The following PPP1R1C variants were observed in gnomAD, a reference collection of about 807,000 sequenced individuals.
PPP1R1C encodes protein phosphatase 1 regulatory inhibitor subunit 1C, also known as protein phosphatase 1 regulatory subunit 1C.
PPP1R1C carries 15 observed loss-of-function variants against 17.4 expected under a neutral mutation model. The observed-to-expected ratio is 0.86, with a 90% confidence interval of 0.58 to 1.33. The LOEUF is 1.33. Among genes scored for constraint, PPP1R1C ranks in the 40% most tolerant of loss-of-function variants. PPP1R1C has a pLI of 0.00. For synonymous variants in PPP1R1C, 35 were observed against 43.1 expected (o/e 0.81, Z 0.73); for missense variants, 143 against 130.0 (o/e 1.10, Z -0.48).
intron 4 of PPP1R1C, among the ~76,000 whole-genome samples, chr2:182,081,134 C>T (rs553525749): frequency 1.3e-5 from 2 of 152,248 alleles, no homozygotes; most frequent in Non-Finnish European, 2.9e-5. Context: ...GGTTTGTGCT[C>T]AGTGTGTGCA....
chr2:182,104,351 A>G (rs1170965423), intron 4 of PPP1R1C, among the ~76,000 whole-genome samples: 1 of 152,212 alleles, frequency 6.6e-6, no homozygotes, highest in Non-Finnish European at 1.5e-5. Flanking sequence ...AGGTTGAGGT[A>G]TACTCCTTTT....
At chr2:181,959,821 A>T in intron 1 of PPP1R1C, among the ~76,000 whole-genome samples, 1 of 152,182 alleles carries the variant, frequency 6.6e-6, no homozygotes, top group East Asian at 1.9e-4. Flanking sequence ...GTCACTATAC[A>T]TCATTTTACT....
intron 4 of PPP1R1C, among the ~76,000 whole-genome samples, chr2:182,086,544 A>G (rs1489581845): frequency 6.6e-6 from 1 of 152,198 alleles, no homozygotes; most frequent in Non-Finnish European, 1.5e-5. Flanking sequence ...AGGAAATTGC[A>G]TACCAGAAAA....
chr2:182,069,045 C>T (rs755883990), intron 4 of PPP1R1C, among the ~76,000 whole-genome samples: 8 of 152,310 alleles, frequency 5.3e-5, no homozygotes, highest in Middle Eastern at 3.4e-3. Flanking sequence ...CTCTTAGCCT[C>T]TCATCAGGCC....
intron 2 of PPP1R1C, among the ~76,000 whole-genome samples, chr2:181,997,975 T>C (rs1574363506): frequency 6.6e-6 from 1 of 152,368 alleles, no homozygotes; most frequent in Admixed American, 6.5e-5. Flanking sequence ...ATTCTATAGG[T>C]TGAACCTGTC....
chr2:182,033,211 TAA>T (rs1199014486), intron 2 of PPP1R1C, among the ~76,000 whole-genome samples: 1 of 152,204 alleles, frequency 6.6e-6, no homozygotes, highest in Non-Finnish European at 1.5e-5. Context: ...GCTCTGCTCC[TAA>T]GTTTCCTACC....
At chr2:182,036,976 A>G (rs957103125) in intron 2 of PPP1R1C, among the ~76,000 whole-genome samples, 1 of 152,220 alleles carries the variant, frequency 6.6e-6, no homozygotes, top group Non-Finnish European at 1.5e-5. Flanking sequence ...ACACATAACA[A>G]CATGTGAATT....
At chr2:181,975,639 C>G (rs913490179) in intron 2 of PPP1R1C, among the ~76,000 whole-genome samples, 3 of 151,646 alleles carry the variant, frequency 2.0e-5, no homozygotes, top group East Asian at 1.9e-4. Context: ...GGTTCTTTCT[C>G]TTTTTATTTT....
intron 1 of PPP1R1C, among the ~76,000 whole-genome samples, chr2:181,974,454 A>C (rs1461645494): frequency 6.6e-6 from 1 of 152,226 alleles, no homozygotes; most frequent in African/African-American, 2.4e-5. Context: ...ATATTATCAC[A>C]GAATATATAT....
intron 1 of PPP1R1C, among the ~76,000 whole-genome samples, chr2:181,971,155 G>A (rs1684999103): frequency 6.6e-6 from 1 of 152,102 alleles, no homozygotes; most frequent in Non-Finnish European, 1.5e-5. Context: ...TCTCACCACA[G>A]CCATGACAGC....
At chr2:181,977,289 G>A (rs115110942) in intron 2 of PPP1R1C, among the ~76,000 whole-genome samples, 4,596 of 151,158 alleles carry the variant, frequency 0.03, 92 homozygotes, top group South Asian at 0.099. Flanking sequence ...GTTTTGACAT[G>A]CTGATCACAT....
intron 2 of PPP1R1C, among the ~76,000 whole-genome samples, chr2:181,990,970 C>T (rs1350592025): frequency 6.6e-6 from 1 of 152,126 alleles, no homozygotes; most frequent in East Asian, 1.9e-4. Context: ...AAATTCAAAA[C>T]CCTGCAAATC....
intron 1 of PPP1R1C, among the ~76,000 whole-genome samples, chr2:181,965,343 T>C (rs1281831473): frequency 1.3e-5 from 2 of 152,214 alleles, no homozygotes; most frequent in African/African-American, 4.8e-5. Flanking sequence ...TGCCTGTGCT[T>C]GTCAGATATT....
At chr2:182,100,572 A>G (rs1689071995) in intron 4 of PPP1R1C, among the ~76,000 whole-genome samples, 1 of 152,142 alleles carries the variant, frequency 6.6e-6, no homozygotes, top group African/African-American at 2.4e-5. Flanking sequence ...TCAAAAATCA[A>G]GTACAATTGG....
At position 181,961,843 on chromosome 2, in the gene PPP1R1C, A is replaced by G. The variant is rs1684803276; in HGVS notation, n.111+7209A>G. On this transcript the variant is annotated intron_variant and non_coding_transcript_variant, in intron 1 of 5. Coordinates refer to the PPP1R1C transcript ENST00000464264. The surrounding 1 kb of genome is among the most constrained non-coding windows in gnomAD (Gnocchi z 5.8). ...TACTTCCTCTTCGTGGTTCTTCTTC[A>G]TGAAGAGCAGCTCCTCCTTGAGAGC... 3.2e-6 allele frequency: 3 copies of G among 933,406 alleles called. No individual in the cohort carries two copies. The highest frequency in any genetic ancestry group is 1.3e-5 in the South Asian group (1 of 77,842). 57.8% of individuals were successfully genotyped at this position (933,406 alleles called of 1,614,324 possible). A position where few individuals can be genotyped will look rare whatever the true frequency, so the allele number is the denominator to read the frequency against.
At chr2:182,091,144 G>A (rs371260213) in intron 4 of PPP1R1C, among the ~76,000 whole-genome samples, 230 of 152,186 alleles carry the variant, frequency 1.5e-3, no homozygotes, top group African/African-American at 5.3e-3. Context: ...AATCTATGTA[G>A]GAAAAGCAGA....
At chr2:182,081,471 T>C (rs1688473813) in intron 4 of PPP1R1C, among the ~76,000 whole-genome samples, 1 of 152,210 alleles carries the variant, frequency 6.6e-6, no homozygotes, top group African/African-American at 2.4e-5. Context: ...AAAATTGTGA[T>C]AGAAAATTTG....
At chr2:182,123,186 T>C (rs1005461207) in intron 5 of PPP1R1C, among the ~76,000 whole-genome samples, 10 of 152,242 alleles carry the variant, frequency 6.6e-5, no homozygotes, top group Non-Finnish European at 1.2e-4. Context: ...CAAGAACTCA[T>C]TCTTTTTATG....
chr2:182,120,603 T>G (rs1327865151), downstream of PPP1R1C, among the ~76,000 whole-genome samples: 1 of 152,224 alleles, frequency 6.6e-6, no homozygotes, highest in East Asian at 1.9e-4. Context: ...GGCCCTTATT[T>G]ATTTTAAGTG....
Sources: gnomAD v4.1 joint callset for allele counts (sites outside exome capture counted in the v4.1 genomes callset) on GRCh38, gnomAD v4.1.1 for gene constraint, Gnocchi (gnomAD v3.1) non-coding constraint, MANE v1.5 for transcripts, NCBI Gene and HGNC (gene_info 2026-07-23, HGNC 2026-07-21) for gene names.